Variants in H2BC5 observed in about 807,000 individuals in gnomAD.
H2BC5 encodes H2B clustered histone 5.
A neutral mutation model predicts 5.7 loss-of-function variants in H2BC5; 9 were observed. The ratio of observed to expected loss-of-function variants is 1.57; its 90% CI spans 0.95 to 2.74. H2BC5 has a LOEUF of 2.74. H2BC5 is among the 30% of genes most tolerant of loss of function. H2BC5 has a pLI of 0.00. For missense variants in H2BC5, 175 were observed against 168.8 expected (o/e 1.04, Z -0.20); for synonymous variants, 133 against 70.9 (o/e 1.88, Z -4.40).
At chr6:26,165,292 TC>T (rs1217125708) in intron 1 of H2BC5, among the ~76,000 whole-genome samples, 1 of 152,170 alleles carries the variant, frequency 6.6e-6, no homozygotes, top group Non-Finnish European at 1.5e-5. Context: ...GGTCTTGGAC[TC>T]CCTAGAATCT....
intron 1 of H2BC5, chr6:26,164,148 C>T: frequency 2.2e-6 from 1 of 445,068 alleles, no homozygotes; most frequent in Non-Finnish European, 4.5e-6. Context: ...GGTGAGGAGG[C>T]CAACCACAAG....
At chr6:26,160,510 CTCTGAAAAAAAAAAAAA>C (rs1431635854), downstream of H2BC5, among the ~76,000 whole-genome samples, 1 of 107,174 alleles carries the variant, frequency 9.3e-6, no homozygotes, top group African/African-American at 3.7e-5. Context: ...GAGATCCTGT[CTCTGAAAAAAAAAAAAA>C]AAAAAAAAAG....
chr6:26,167,042 G>GT (rs1764442881), intron 1 of H2BC5, among the ~76,000 whole-genome samples: 2 of 95,362 alleles, frequency 2.1e-5, no homozygotes, highest in Non-Finnish European at 4.3e-5. Flanking sequence ...TCTTTTTTTT[G>GT]TTTTCTCTTT....
At chr6:26,164,974 C>A (rs962481087) in intron 1 of H2BC5, among the ~76,000 whole-genome samples, 2 of 152,140 alleles carry the variant, frequency 1.3e-5, no homozygotes, top group Non-Finnish European at 2.9e-5. Context: ...TCTCCCCACA[C>A]TCTTTACTCC....
rs753884182 is a variant in H2BC5, at chr6:26,158,143, A to G, written c.-27A>G. 1.3e-6 allele frequency: 2 copies of G among 1,597,678 alleles called. No individual in the cohort carries two copies. The highest frequency in any genetic ancestry group is 1.1e-5 in the South Asian group (1 of 89,040). On this transcript the variant is annotated 5_prime_UTR_variant, in exon 1 of 1. Transcript: ENST00000377777. ...AGTGATTATTTTCTCAGGTGTTTGC[A>G]ACAGTGTTCTAACTATTAACGCTAC... is the stretch of plus-strand genomic sequence containing the variant.
intron 1 of H2BC5, among the ~76,000 whole-genome samples, chr6:26,168,353 G>A (rs901743976): frequency 1.3e-5 from 2 of 151,978 alleles, no homozygotes; most frequent in Non-Finnish European, 2.9e-5. Flanking sequence ...AGCTAGTTGG[G>A]AGGCTGAAGT....
chr6:26,158,410 C>T lies in H2BC5; in HGVS notation c.241C>T (p.Leu81=), dbSNP rs576529495. ...FERIAGEASR[L]AHYNKRSTIT... is the part of the protein sequence containing the mutation. ...GCGCATCGCAGGCGAGGCTTCCCGC[C>T]TGGCGCATTACAACAAGCGCTCGAC... Residue 81 remains leucine (L), a synonymous_variant, in exon 1 of 1, where the codon CTG becomes TTG. Coordinates refer to ENST00000377777, the MANE Select transcript of H2BC5 (RefSeq NM_021063.4). The T allele has an allele frequency of 3.1e-6, 5 of 1,614,300 alleles. No individual in the cohort carries two copies. The South Asian group carries it at 4.4e-5, about 14-fold the overall frequency.
chr6:26,163,317 G>C (rs1251872645), downstream of H2BC5: 4 of 151,956 alleles, frequency 2.6e-5, no homozygotes, highest in Non-Finnish European at 5.9e-5. Flanking sequence ...CCTTTATCAA[G>C]TTTCATTATA....
At chr6:26,159,351 G>A (rs1251229749), downstream of H2BC5, among the ~76,000 whole-genome samples, 1 of 145,290 alleles carries the variant, frequency 6.9e-6, no homozygotes, top group African/African-American at 2.6e-5. Context: ...ACTGCACGTA[G>A]GCAATAGTTA....
At chr6:26,160,097 G>C (rs1764328147), downstream of H2BC5, among the ~76,000 whole-genome samples, 2 of 152,104 alleles carry the variant, frequency 1.3e-5, no homozygotes, top group Middle Eastern at 3.2e-3. Context: ...CTCCGAAGTT[G>C]GGTTCTGAGC....
chr6:26,158,350 G>T lies in H2BC5; in HGVS notation c.181G>T (p.Gly61Trp). 6.2e-7 allele frequency: 1 copy of T among 1,614,282 alleles called. No homozygotes were observed. Among genetic ancestry groups the T allele is most frequent in the Non-Finnish European group, 8.5e-7 (1 of 1,180,056 alleles). ...CACCGGCATCTCTTCCAAGGCAATGGGGATCATGAATTCCTTCGTCAACGA... is the reference window on the plus strand; with the variant it reads ...CACCGGCATCTCTTCCAAGGCAATGTGGATCATGAATTCCTTCGTCAACGA... ...PDTGISSKAM[G>W]IMNSFVNDIF... is the part of the protein sequence containing the mutation. Residue 61 changes from glycine (G) to tryptophan (W), a missense_variant, in exon 1 of 1, where the codon GGG becomes TGG. Coordinates refer to ENST00000377777, the MANE Select transcript of H2BC5 (RefSeq NM_021063.4).
chr6:26,160,394 TGAAAAC>T (rs775445149), downstream of H2BC5, among the ~76,000 whole-genome samples: 14 of 150,758 alleles, frequency 9.3e-5, no homozygotes, highest in African/African-American at 3.4e-4. Context: ...GTATGACTAA[TGAAAAC>T]AAAAGCAACA....
chr6:26,169,310 G>A (rs1465487507), intron 1 of H2BC5, among the ~76,000 whole-genome samples: 2 of 152,086 alleles, frequency 1.3e-5, no homozygotes, highest in Non-Finnish European at 2.9e-5. Flanking sequence ...AGATATGGTG[G>A]TCCTTGACCT....
chr6:26,170,804 G>A (rs943510663), intron 1 of H2BC5, among the ~76,000 whole-genome samples: 1 of 152,140 alleles, frequency 6.6e-6, no homozygotes, highest in African/African-American at 2.4e-5. Context: ...TCTTGACTAA[G>A]CATGACTTAT....
intron 1 of H2BC5, among the ~76,000 whole-genome samples, chr6:26,169,538 C>G (rs941931367): frequency 6.6e-6 from 1 of 151,900 alleles, no homozygotes; most frequent in Non-Finnish European, 1.5e-5. Flanking sequence ...TCAAAATATT[C>G]TTTATAAATA....
At chr6:26,163,515 C>G (rs562916092), downstream of H2BC5, 1 of 152,304 alleles carries the variant, frequency 6.6e-6, no homozygotes, top group East Asian at 1.9e-4. Flanking sequence ...AGGCTGCAAT[C>G]ATCCGAATCC....
chr6:26,159,608 TA>T (rs1259933244), downstream of H2BC5, among the ~76,000 whole-genome samples: 1 of 151,998 alleles, frequency 6.6e-6, no homozygotes, highest in Non-Finnish European at 1.5e-5. Flanking sequence ...AAGGAACAAA[TA>T]CTTGAGACGT....
intron 1 of H2BC5, chr6:26,170,886 T>G (rs868254672): frequency 3.9e-5 from 6 of 152,192 alleles, no homozygotes; most frequent in African/African-American, 1.4e-4. Context: ...TAGAAGCACA[T>G]GTAGAAAGAA....
At chr6:26,160,767 G>C (rs1764338203), downstream of H2BC5, 1 of 151,728 alleles carries the variant, frequency 6.6e-6, no homozygotes, top group African/African-American at 2.4e-5. Flanking sequence ...TACTCAGGAG[G>C]ATGAGGCAGG....
Sources: allele counts gnomAD v4.1 joint callset (sites outside exome capture counted in the v4.1 genomes callset), GRCh38; gene constraint gnomAD v4.1.1; transcripts MANE v1.5; gene names NCBI Gene and HGNC (gene_info 2026-07-23, HGNC 2026-07-21).